PPP2R5E: variants seen among roughly 807,000 people sequenced by gnomAD.
PPP2R5E encodes the protein protein phosphatase 2 regulatory subunit B'epsilon.
PPP2R5E carries 4 observed loss-of-function variants against 65.3 expected under a neutral mutation model. The ratio of observed to expected loss-of-function variants is 0.06; its 90% CI spans 0.03 to 0.14. The LOEUF (loss-of-function observed/expected upper bound fraction) is 0.14, where lower values mean the gene tolerates loss of function less well. Among genes scored for constraint, PPP2R5E ranks in the 10% least tolerant of loss-of-function variants. The probability of loss-of-function intolerance (pLI) is 1.00; values close to 1 mark genes in which losing one functional copy is unlikely to be tolerated. For synonymous variants in PPP2R5E, 183 were observed against 187.4 expected, an observed-to-expected ratio of 0.98 and a Z score of 0.19; for missense variants, 274 against 556.1, an observed-to-expected ratio of 0.49 and a Z score of 5.10.
intron 3 of PPP2R5E, among the ~76,000 whole-genome samples, chr14:63,440,076 C>G (rs1043977282): frequency 2.6e-5 from 4 of 152,178 alleles, no homozygotes; most frequent in African/African-American, 9.7e-5. Flanking sequence ...GCCAATGTTA[C>G]CACATAAGGA....
intron 3 of PPP2R5E, among the ~76,000 whole-genome samples, chr14:63,433,407 C>G (rs1887794940): frequency 6.6e-6 from 1 of 152,064 alleles, no homozygotes; most frequent in South Asian, 2.1e-4. Context: ...TATAGTGAGA[C>G]TGGCTGGGCT....
rs1322892117 is a variant in PPP2R5E, at chr14:63,470,732, A to G, written c.158-16847T>C. 2.6e-5 allele frequency among the ~76,000 whole-genome samples: 4 copies of G among 151,734 alleles called. No homozygotes were observed. In the East Asian group the frequency reaches 7.7e-4, roughly 29 times the overall value. ...GCCTTTATCAACAGATTAAAAAAAA[A>G]AAAAAACGTGGCTGAGCACAATGGC... On this transcript the variant is annotated intron_variant, in intron 2 of 13. Transcript: ENST00000337537.
intron 3 of PPP2R5E, among the ~76,000 whole-genome samples, chr14:63,441,543 C>T (rs1056783570): frequency 6.6e-6 from 1 of 152,232 alleles, no homozygotes; most frequent in Non-Finnish European, 1.5e-5. Flanking sequence ...AGGGTAAAAT[C>T]GCGCTTAAAC....
rs1555353939 is a variant in PPP2R5E, at chr14:63,375,988, ATGT to A, written c.*18_*20del. ...AAACGTGTGACTCCACAGGTTAGTA[ATGT>A]TGTTGTCATTGTTTTTGTTAAGTTG... On this transcript the variant is annotated 3_prime_UTR_variant, in exon 14 of 14. Transcript: ENST00000337537. The A allele has an allele frequency of 2.0e-6, 3 of 1,502,136 alleles. No individual in the cohort carries two copies. Among genetic ancestry groups the A allele is most frequent in the Non-Finnish European group, 2.8e-6 (3 of 1,079,758 alleles). 93.1% of individuals were successfully genotyped at this position (1,502,136 alleles called of 1,614,324 possible). A position where few individuals can be genotyped will look rare whatever the true frequency, so the allele number is the denominator to read the frequency against.
intron 2 of PPP2R5E, among the ~76,000 whole-genome samples, chr14:63,486,267 G>C (rs113452190): frequency 0.026 from 3,164 of 122,114 alleles, 77 homozygotes; most frequent in African/African-American, 0.079. Flanking sequence ...CTCCTCCCCC[G>C]ACCCCACCCA....
chr14:63,465,800 A>T (rs1033268026), intron 2 of PPP2R5E, among the ~76,000 whole-genome samples: 4 of 152,224 alleles, frequency 2.6e-5, no homozygotes, highest in Non-Finnish European at 4.4e-5. Context: ...TTTGATAAAA[A>T]GGAATTACGG....
At chr14:63,423,826 C>T (rs1157463289) in intron 3 of PPP2R5E, among the ~76,000 whole-genome samples, 1 of 152,182 alleles carries the variant, frequency 6.6e-6, no homozygotes, top group Non-Finnish European at 1.5e-5. Flanking sequence ...AACCCATGCC[C>T]TCATGGAACT....
chr14:63,499,455 G>A (rs1308096659), intron 2 of PPP2R5E, among the ~76,000 whole-genome samples: 1 of 152,060 alleles, frequency 6.6e-6, no homozygotes, highest in Non-Finnish European at 1.5e-5. Context: ...CTGGGTGCAG[G>A]GGCTCACACC....
chr14:63,529,230 AT>A (rs1441036967), intron 2 of PPP2R5E, among the ~76,000 whole-genome samples: 2 of 152,096 alleles, frequency 1.3e-5, no homozygotes, highest in Non-Finnish European at 2.9e-5. Flanking sequence ...AAGTGCTGGG[AT>A]TACAGGCATG....
At chr14:63,421,419 T>A (rs534330220) in intron 4 of PPP2R5E, among the ~76,000 whole-genome samples, 19 of 152,310 alleles carry the variant, frequency 1.2e-4, no homozygotes, top group Admixed American at 5.9e-4. Flanking sequence ...CCCTGATCCA[T>A]CCTGGCACAT....
intron 2 of PPP2R5E, among the ~76,000 whole-genome samples, chr14:63,494,918 A>G (rs989764139): frequency 6.6e-6 from 1 of 151,246 alleles, no homozygotes; most frequent in Non-Finnish European, 1.5e-5. Context: ...AGCAAAAACA[A>G]AAAGGCCAGG....
At chr14:63,538,008 A>G (rs1473213400) in intron 2 of PPP2R5E, among the ~76,000 whole-genome samples, 2 of 152,224 alleles carry the variant, frequency 1.3e-5, no homozygotes, top group Admixed American at 1.3e-4. Context: ...AAAATTCTTC[A>G]TATTAAAAAC....
chr14:63,485,825 CTTT>C (rs770156529), intron 2 of PPP2R5E, among the ~76,000 whole-genome samples: 2,547 of 130,504 alleles, frequency 0.02, 30 homozygotes, highest in African/African-American at 0.055. Context: ...TACTGACAAA[CTTT>C]TTTTTTTTTT....
chr14:63,460,290 C>T (rs1188009927), intron 2 of PPP2R5E, among the ~76,000 whole-genome samples: 1 of 152,146 alleles, frequency 6.6e-6, no homozygotes, highest in Non-Finnish European at 1.5e-5. Flanking sequence ...AAGGCTAAGT[C>T]ATTTGTCCAA....
At chr14:63,425,762 G>A (rs17824991) in intron 3 of PPP2R5E, among the ~76,000 whole-genome samples, 1,817 of 152,258 alleles carry the variant, frequency 0.012, 53 homozygotes, top group East Asian at 0.095. Flanking sequence ...GCTGGGTATT[G>A]TGGTTTTGCT....
At chr14:63,437,133 G>C (rs1594873414) in intron 3 of PPP2R5E, among the ~76,000 whole-genome samples, 1 of 152,136 alleles carries the variant, frequency 6.6e-6, no homozygotes, top group East Asian at 1.9e-4. Context: ...CCAACGCCAT[G>C]GCAGTTTACA....
At chr14:63,436,669 G>C (rs537490479) in intron 3 of PPP2R5E, among the ~76,000 whole-genome samples, 1 of 152,228 alleles carries the variant, frequency 6.6e-6, no homozygotes, top group South Asian at 2.1e-4. Context: ...GCCACTCCAG[G>C]GGAAGACAGG....
chr14:63,457,033 G>A (rs1889160526), intron 2 of PPP2R5E, among the ~76,000 whole-genome samples: 1 of 152,154 alleles, frequency 6.6e-6, no homozygotes, highest in African/African-American at 2.4e-5. Context: ...ATCCCTTTAT[G>A]GTAACAATTT....
intron 2 of PPP2R5E, among the ~76,000 whole-genome samples, chr14:63,532,084 T>C (rs1893460822): frequency 6.6e-6 from 1 of 152,198 alleles, no homozygotes; most frequent in South Asian, 2.1e-4. Flanking sequence ...AAAATCCCTA[T>C]TGATTCCCCA....
Sources: allele counts gnomAD v4.1 joint callset (sites outside exome capture counted in the v4.1 genomes callset), GRCh38; gene constraint gnomAD v4.1.1; transcripts MANE v1.5; gene names NCBI Gene and HGNC (gene_info 2026-07-23, HGNC 2026-07-21).